Variants in TAF1C observed in about 807,000 individuals in gnomAD.
The protein encoded by TAF1C is TATA box-binding protein-associated factor RNA polymerase I subunit C.
Under a neutral mutation model 70.5 loss-of-function variants are expected in TAF1C, and 79 were observed. That is an observed-to-expected ratio of 1.12 (90% CI 0.93 to 1.35). The LOEUF (loss-of-function observed/expected upper bound fraction) is 1.35. Among genes scored for constraint, TAF1C ranks in the 40% most tolerant of loss-of-function variants. TAF1C has a pLI of 0.00. For synonymous variants in TAF1C, 614 were observed against 491.1 expected (o/e 1.25, Z -3.31); for missense variants, 1,412 against 1,127.8 (o/e 1.25, Z -3.61).
At position 84,181,837 on chromosome 16, in the gene TAF1C, G is replaced by A. The variant is rs1302874603; in HGVS notation, c.865C>T (p.His289Tyr). ...TTACCAAACTTCCACACGGCACAGTGGTAGTCAGAGCGGACGGCCAGCAGA... is the reference window on the plus strand; with the variant it reads ...TTACCAAACTTCCACACGGCACAGTAGTAGTCAGAGCGGACGGCCAGCAGA... ...ETLLAVRSDYHCAVWKFGKQW... is the reference protein window; with the variant it reads ...ETLLAVRSDYYCAVWKFGKQW... The change falls in exon 9 of 15, where the codon CAC becomes TAC. Residue 289 changes from histidine (H) to tyrosine (Y), a missense_variant. Coordinates refer to ENST00000566732, the MANE Select transcript of TAF1C (RefSeq NM_001243156.2). 1 of 1,614,108 alleles carries A rather than the reference G, an allele frequency of 6.2e-7. No homozygotes were observed. The highest frequency in any genetic ancestry group is 1.3e-5 in the African/African-American group (1 of 74,934).
intron 12 of TAF1C, 105 bp from the exon 13 acceptor site, chr16:84,180,449 G>A (rs2089093557): frequency 8.3e-7 from 1 of 1,201,126 alleles, no homozygotes. Flanking sequence ...GAGCCCTGAG[G>A]GGCAGCAGCA....
In TAF1C at chr16:84,179,930, C is replaced by A. The variant is rs1344860071; in HGVS notation, c.1621+16G>T. ...TTCCACTGCGCCCCCCAAGCTCACT[C>A]CCCCACCCAGCACACCTATGGTCGG... On this transcript the variant is annotated intron_variant, in intron 14 of 14. Transcript: ENST00000566732. The A allele has an allele frequency of 1.6e-5, 25 of 1,595,372 alleles. No homozygotes were observed. The highest frequency in any genetic ancestry group is 2.1e-5 in the Non-Finnish European group (25 of 1,170,586).
intron 2 of TAF1C, among the ~76,000 whole-genome samples, 176 bp from the exon 3 acceptor site, chr16:84,183,954 C>A (rs1000939934): frequency 6.6e-6 from 1 of 152,194 alleles, no homozygotes; most frequent in Non-Finnish European, 1.5e-5. Context: ...TGCCATTTGC[C>A]CCAGAAGACA....
intron 2 of TAF1C, among the ~76,000 whole-genome samples, chr16:84,184,503 G>C (rs2089377342): frequency 6.6e-6 from 1 of 152,186 alleles, no homozygotes; most frequent in South Asian, 2.1e-4. Context: ...GCATCCTTCT[G>C]CTTTCATTCC....
chr16:84,184,192 G>A (rs2089359504), intron 2 of TAF1C, among the ~76,000 whole-genome samples: 1 of 152,210 alleles, frequency 6.6e-6, no homozygotes, highest in South Asian at 2.1e-4. Flanking sequence ...GGATGTTTCG[G>A]CCCAGACATT....
In TAF1C at chr16:84,180,067, C is replaced by A; in HGVS notation, c.1500G>T (p.Val500=). 1.3e-6 allele frequency: 2 copies of A among 1,599,308 alleles called. No homozygotes were observed. Among genetic ancestry groups the A allele is most frequent in the Non-Finnish European group, 1.7e-6 (2 of 1,173,906 alleles). The part of the protein sequence containing the change: ...LLHLAGEGAS[V]PRLAGPPQSL... ...ACTGGGGGGGGCCTGCCAGGCGGGGCACCGACGCCCCTTCTCCTGAGGAAG... is the reference window on the plus strand; with the variant it reads ...ACTGGGGGGGGCCTGCCAGGCGGGGAACCGACGCCCCTTCTCCTGAGGAAG... The change falls in exon 14 of 15, where the codon GTG becomes GTT. Residue 500 remains valine, a synonymous_variant. Coordinates refer to ENST00000566732, the MANE Select transcript of TAF1C (RefSeq NM_001243156.2).
At chr16:84,183,611 C>G in intron 3 of TAF1C, 86 bp downstream of exon 3, 1 of 1,545,548 alleles carries the variant, frequency 6.5e-7, no homozygotes, top group Non-Finnish European at 8.9e-7. Flanking sequence ...ACAGGCTTAG[C>G]AGGGAGAGGA....
chr16:84,183,354 G>A lies in TAF1C; in HGVS notation c.319-21C>T, dbSNP rs764542800. ...CTGATCTGGGGAGAAGAGGAGGCCA[G>A]GTCACTAAGCACAGTCTCCAGGCTA... is the stretch of plus-strand genomic sequence containing the variant. On this transcript the variant is annotated intron_variant, in intron 4 of 14. Transcript: ENST00000566732. 4 of 1,613,940 alleles carry A rather than the reference G, an allele frequency of 2.5e-6. No individual in the cohort carries two copies. In the Admixed American group the frequency reaches 5.0e-5, roughly 20 times the overall value.
At chr16:84,186,557 A>G (rs914340112) in intron 1 of TAF1C, among the ~76,000 whole-genome samples, 5 of 152,224 alleles carry the variant, frequency 3.3e-5, no homozygotes, top group East Asian at 1.9e-4. Flanking sequence ...TATCTCAAAA[A>G]TAAAATAGAA....
chr16:84,181,569 G>A (rs201747431), intron 10 of TAF1C, 23 bp downstream of exon 10: 16 of 1,613,908 alleles, frequency 9.9e-6, no homozygotes, highest in African/African-American at 1.3e-5. Context: ...TAGGGTGGGG[G>A]GTTTCACAGG....
rs758950193 is a variant in TAF1C at position 84,181,914 on chromosome 16, G to C, written c.838+28C>G. On this transcript the variant is annotated intron_variant, in intron 8 of 14. Coordinates refer to ENST00000566732, the MANE Select transcript of TAF1C (RefSeq NM_001243156.2). ...GGTCAGGTAGCAGGTCAGCCAGTGA[G>C]GGAGGAAAGTGTATATAAGGGCCTT... is the stretch of plus-strand genomic sequence containing the variant. 13 of 1,614,022 alleles carry C rather than the reference G, an allele frequency of 8.1e-6. No homozygotes were observed. The East Asian group carries it at 2.5e-4, about 30-fold the overall frequency.
Position 84,182,129 on chromosome 16 carries a change from T to C in TAF1C, c.722-71A>G. 1 of 1,591,730 alleles carries C rather than the reference T, an allele frequency of 6.3e-7. No homozygotes were observed. The highest frequency in any genetic ancestry group is 2.2e-5 in the East Asian group (1 of 44,634). ...AGCCCCCCAAATTCCTGCCCTTCTCTGGACCATGCCAAGAGCACCTCCTCT... is the reference window on the plus strand; with the variant it reads ...AGCCCCCCAAATTCCTGCCCTTCTCCGGACCATGCCAAGAGCACCTCCTCT... On this transcript the variant is annotated intron_variant, in intron 7 of 14. Transcript: ENST00000566732. The surrounding 1 kb of genome is among the most constrained non-coding windows in gnomAD (Gnocchi z 5.0).
chr16:84,180,595 G>A, intron 12 of TAF1C: 1 of 580,480 alleles, frequency 1.7e-6, no homozygotes, highest in Non-Finnish European at 2.9e-6. Flanking sequence ...AAGAGGTGTG[G>A]GGGAGCCTTG....
Position 84,183,836 on chromosome 16 carries a change from C to T in TAF1C, c.139-58G>A, listed in dbSNP as rs998225461. 13 of 1,352,214 alleles carry T rather than the reference C, an allele frequency of 9.6e-6. No individual in the cohort carries two copies. The African/African-American group carries it at 1.7e-4, about 18-fold the overall frequency. 83.8% of individuals were successfully genotyped at this position (1,352,214 alleles called of 1,614,324 possible). A position where few individuals can be genotyped will look rare whatever the true frequency, so the allele number is the denominator to read the frequency against. On this transcript the variant is annotated intron_variant, in intron 2 of 14. Coordinates refer to ENST00000566732, the MANE Select transcript of TAF1C (RefSeq NM_001243156.2). ...TGATGAATGCCCTCCCTGGGCCAGG[C>T]TGTGCACAGGCATTCATCTCTTATC...
At chr16:84,184,810 A>C in intron 2 of TAF1C, 41 bp downstream of exon 2, 1 of 1,557,480 alleles carries the variant, frequency 6.4e-7, no homozygotes, top group Non-Finnish European at 8.7e-7. Context: ...CAGGGAAGGG[A>C]TGTCCCTGGA....
In TAF1C at chr16:84,184,889, C is replaced by T. The variant is rs748534807; in HGVS notation, c.100G>A (p.Ala34Thr). Residue 34 changes from alanine (A) to threonine (T), a missense_variant, in exon 2 of 15, where the codon GCA becomes ACA. Physicochemically the swap from Ala to Thr is moderately conservative, Grantham distance 58 (BLOSUM62 0). Coordinates refer to ENST00000566732, the MANE Select transcript of TAF1C (RefSeq NM_001243156.2). ...DLSFMCSWRD[A>T]LTLPEAQPQN... ...GGCTGGGCCTCTGGCAGAGTCAGTG[C>T]GTCTCGCCAGCTGCACATGAAAGAG... 9.9e-6 allele frequency: 16 copies of T among 1,611,336 alleles called. No homozygotes were observed. Among genetic ancestry groups the T allele is most frequent in the East Asian group, 8.9e-5 (4 of 44,772 alleles).
At chr16:84,185,496 C>T (rs2089432167) in intron 1 of TAF1C, 1 of 152,664 alleles carries the variant, frequency 6.6e-6, no homozygotes, top group Non-Finnish European at 1.5e-5. Flanking sequence ...AGACTACACC[C>T]CCAAGACGCT....
rs2089526932 is a variant in TAF1C, at chr16:84,187,032, C to G, written c.-204G>C. Reference sequence around the variant, plus strand: ...TCGGGACGGGTCAGCCCCGCCGCAGCTACCCACGGTCTTCCGGTTTGGACC... The same window carrying G: ...TCGGGACGGGTCAGCCCCGCCGCAGGTACCCACGGTCTTCCGGTTTGGACC... On this transcript the variant is annotated 5_prime_UTR_variant, in exon 1 of 15. Coordinates refer to ENST00000566732, the MANE Select transcript of TAF1C (RefSeq NM_001243156.2). The G allele has an allele frequency of 6.6e-6, 1 of 152,212 alleles. No individual in the cohort carries two copies. Among genetic ancestry groups the G allele is most frequent in the South Asian group, 2.1e-4 (1 of 4,838 alleles). 9.4% of individuals were successfully genotyped at this position (152,212 alleles called of 1,614,324 possible).
In TAF1C at chr16:84,179,622, C is replaced by G. The variant is rs770983481; in HGVS notation, c.1851G>C (p.Leu617=). 2.5e-6 allele frequency: 4 copies of G among 1,612,566 alleles called. No individual in the cohort carries two copies. ...TAGCSQWLKA[L]LKVPLAPPVW... is the part of the protein sequence containing the mutation. ...CAGGAGGAGCCAGGGGCACTTTTAGCAGGGCCTTCAGCCACTGGCTGCAGC... is the reference window on the plus strand; with the variant it reads ...CAGGAGGAGCCAGGGGCACTTTTAGGAGGGCCTTCAGCCACTGGCTGCAGC... The change falls in exon 15 of 15, where the codon CTG becomes CTC. Residue 617 remains leucine (L), a synonymous_variant. Coordinates refer to ENST00000566732, the MANE Select transcript of TAF1C (RefSeq NM_001243156.2).
Sources: gnomAD v4.1 joint callset for allele counts (sites outside exome capture counted in the v4.1 genomes callset) on GRCh38, gnomAD v4.1.1 for gene constraint, Gnocchi (gnomAD v3.1) non-coding constraint, MANE v1.5 for transcripts, NCBI Gene and HGNC (gene_info 2026-07-23, HGNC 2026-07-21) for gene names.